The following OGA variants were observed in gnomAD, a reference collection of about 807,000 sequenced individuals.
The protein encoded by OGA is O-GlcNAcase.
A neutral mutation model predicts 102.0 loss-of-function variants in OGA; 21 were observed. The observed-to-expected ratio is 0.21, with a 90% CI of 0.15 to 0.30. The LOEUF is 0.30. Among genes scored for constraint, OGA ranks in the 10% least tolerant of loss-of-function variants. The pLI, the probability that OGA is intolerant of heterozygous loss-of-function variation, is 1.00. For synonymous variants in OGA, 408 were observed against 378.2 expected (o/e 1.08, Z -0.91); for missense variants, 765 against 1,107.8 (o/e 0.69, Z 4.39).
At chr10:101,809,511 T>C (rs1054584643) in intron 4 of OGA, among the ~76,000 whole-genome samples, 1 of 151,520 alleles carries the variant, frequency 6.6e-6, no homozygotes, top group Admixed American at 6.6e-5. Flanking sequence ...AAGTCAGGAG[T>C]TCGAGACCAG....
At position 101,806,908 on chromosome 10, in the gene OGA, T is replaced by A. The variant is rs543041385; in HGVS notation, c.653-765A>T. Among the ~76,000 whole-genome samples the A allele has an allele frequency of 2.6e-5, 4 of 152,238 alleles. No individual in the cohort carries two copies. In the South Asian group the frequency reaches 6.2e-4, roughly 24 times the overall value. On this transcript the variant is annotated intron_variant, in intron 5 of 15. Coordinates refer to ENST00000361464, the MANE Select transcript of OGA (RefSeq NM_012215.5). Reference sequence around the variant, plus strand: ...GGGCAATATGGCGAAACCCCGTCTCTACCAAAAATATAAAAATTAGCCAGT... The same window carrying A: ...GGGCAATATGGCGAAACCCCGTCTCAACCAAAAATATAAAAATTAGCCAGT...
At chr10:101,805,259 G>A (rs1270386843) in intron 6 of OGA, among the ~76,000 whole-genome samples, 1 of 152,024 alleles carries the variant, frequency 6.6e-6, no homozygotes, top group African/African-American at 2.4e-5. Flanking sequence ...TTGAACTCCT[G>A]GGGGCTTCCA....
intron 14 of OGA, 109 bp from the exon 15 acceptor site, chr10:101,787,632 CTA>C: frequency 1.2e-6 from 1 of 868,318 alleles, no homozygotes; most frequent in South Asian, 1.7e-5. Flanking sequence ...CTTCCAGTCA[CTA>C]TGTAAATTAT....
chr10:101,804,488 T>C (rs2065440316), intron 6 of OGA, among the ~76,000 whole-genome samples: 1 of 152,094 alleles, frequency 6.6e-6, no homozygotes, highest in Non-Finnish European at 1.5e-5. Context: ...TTAGCCAGGA[T>C]GGTCTCGATC....
chr10:101,814,838 T>C (rs1422883496), intron 1 of OGA, among the ~76,000 whole-genome samples: 1 of 152,232 alleles, frequency 6.6e-6, no homozygotes, highest in African/African-American at 2.4e-5. Context: ...ACACTAGTTA[T>C]GCACACACTG....
chr10:101,789,554 G>C (rs1253258022), intron 14 of OGA, among the ~76,000 whole-genome samples: 4 of 151,800 alleles, frequency 2.6e-5, no homozygotes. Flanking sequence ...GGTGGAGAGG[G>C]GTAGAGAATT....
In OGA at chr10:101,818,029, G is replaced by GC; in HGVS notation, c.-8dup. 1 of 1,565,584 alleles carries GC rather than the reference G, an allele frequency of 6.4e-7. No individual in the cohort carries two copies. The highest frequency in any genetic ancestry group is 2.3e-5 in the East Asian group (1 of 42,958). ...GACTCTCCTTCTGCACCATCCTCCT[G>GC]CCCCCGGCCGCTGCCACCTCTGCGG... On this transcript the variant is annotated 5_prime_UTR_variant, in exon 1 of 16. Coordinates refer to ENST00000361464, the MANE Select transcript of OGA (RefSeq NM_012215.5).
intron 14 of OGA, among the ~76,000 whole-genome samples, chr10:101,788,991 T>A (rs2065224642): frequency 2.0e-5 from 3 of 152,246 alleles, no homozygotes; most frequent in Admixed American, 2.0e-4. Flanking sequence ...ATTCCTTACA[T>A]GAAAATGTGC....
intron 10 of OGA, among the ~76,000 whole-genome samples, chr10:101,794,514 TA>T (rs1229523939): frequency 6.6e-6 from 1 of 152,084 alleles, no homozygotes; most frequent in African/African-American, 2.4e-5. Context: ...TACAAGAAAT[TA>T]AGTTGACAAA....
Position 101,793,973 on chromosome 10 carries a change from T to C in OGA, c.2010A>G (p.Gln670=), listed in dbSNP as rs768126488. 5.6e-6 allele frequency: 9 copies of C among 1,613,490 alleles called. No homozygotes were observed. The African/African-American group carries it at 9.3e-5, about 17-fold the overall frequency. The change falls in exon 11 of 16, where the codon CAA becomes CAG. Residue 670 remains glutamine (Q), a synonymous_variant. Transcript: ENST00000361464. The part of the protein sequence containing the change: ...WLGCRSHSSA[Q]FLIGDQEPWA... ...AGGGTTCTTGGTCTCCAATTAAGAA[T>C]TGTGCTGAAGAATGACTACGACACC...
chr10:101,791,793 A>G (rs1001197606), intron 12 of OGA, among the ~76,000 whole-genome samples: 3 of 151,076 alleles, frequency 2.0e-5, no homozygotes, highest in African/African-American at 4.9e-5. Context: ...CAGCCTCCCA[A>G]TTCGCTGGGA....
chr10:101,817,694 C>A (rs1287742335), intron 1 of OGA, 130 bp downstream of exon 1: 3 of 1,067,708 alleles, frequency 2.8e-6, no homozygotes, highest in African/African-American at 1.6e-5. Context: ...TCTCCCCTCG[C>A]TTTAGGAGGG....
rs749445390 is a variant in OGA, at chr10:101,791,454, T to C, written c.2176-15A>G. 3.1e-5 allele frequency: 50 copies of C among 1,603,044 alleles called. No homozygotes were observed. The highest frequency in any genetic ancestry group is 8.3e-5 in the Admixed American group (5 of 59,954). On this transcript the variant is annotated splice_polypyrimidine_tract_variant and intron_variant, in intron 12 of 15. Transcript: ENST00000361464. Reference sequence around the variant, plus strand: ...TACACGGATGCCTGAAAATATAATCTAGTTAAGCAACACATCAAGAAAAAT... The same window carrying C: ...TACACGGATGCCTGAAAATATAATCCAGTTAAGCAACACATCAAGAAAAAT...
In OGA at chr10:101,806,070, T is replaced by A; in HGVS notation, c.726A>T (p.Leu242=). The A allele has an allele frequency of 2.5e-6, 4 of 1,610,092 alleles. No individual in the cohort carries two copies. Among genetic ancestry groups the A allele is most frequent in the Non-Finnish European group, 2.6e-6 (3 of 1,176,284 alleles). The change falls in exon 6 of 16, where the codon CTA becomes CTT. Residue 242 remains leucine (L), a synonymous_variant. Transcript: ENST00000361464. The part of the protein sequence containing the change: ...PYLRTVGEKL[L]PGIEVLWTGP... ...CTGTCCAAAGCACTTCAATTCCAGGTAGAAGCTTTTCACCCACAGTCCTTA... is the reference window on the plus strand; with the variant it reads ...CTGTCCAAAGCACTTCAATTCCAGGAAGAAGCTTTTCACCCACAGTCCTTA...
intron 5 of OGA, among the ~76,000 whole-genome samples, chr10:101,807,473 CTT>C (rs1241980813): frequency 6.6e-6 from 1 of 152,126 alleles, no homozygotes; most frequent in Non-Finnish European, 1.5e-5. Flanking sequence ...TACTATCCCT[CTT>C]TTAATATTGA....
At position 101,798,099 on chromosome 10, in the gene OGA, A is replaced by G; in HGVS notation, c.1865T>C (p.Met622Thr). ...AKFEEMCGLV[M>T]GMFTRLSNCA... Reference sequence around the variant, plus strand: ...ATTGGAGAGCCGAGTGAACATTCCCATCACTAGTCCACACATCTCTTCAAA... The same window carrying G: ...ATTGGAGAGCCGAGTGAACATTCCCGTCACTAGTCCACACATCTCTTCAAA... The change falls in exon 10 of 16, where the codon ATG becomes ACG. Residue 622 changes from methionine (M) to threonine (T), a missense_variant. Around this residue, in one of 7 missense-constraint regions of OGA, gnomAD observed 281 missense variants for 345.8 expected, o/e 0.81. Coordinates refer to ENST00000361464, the MANE Select transcript of OGA (RefSeq NM_012215.5). The G allele has an allele frequency of 2.5e-6, 4 of 1,614,142 alleles. No individual in the cohort carries two copies. Among genetic ancestry groups the G allele is most frequent in the Non-Finnish European group, 2.5e-6 (3 of 1,180,006 alleles).
chr10:101,808,622 A>G (rs1046532197), intron 4 of OGA, among the ~76,000 whole-genome samples: 1 of 152,200 alleles, frequency 6.6e-6, no homozygotes, highest in African/African-American at 2.4e-5. Context: ...ACCCATATAA[A>G]TCTTTGCCTA....
chr10:101,816,811 T>C (rs978405474), intron 1 of OGA, among the ~76,000 whole-genome samples: 9 of 151,754 alleles, frequency 5.9e-5, no homozygotes, highest in Admixed American at 2.0e-4. Context: ...ATTTATATGG[T>C]GAAAAAAAAC....
intron 1 of OGA, among the ~76,000 whole-genome samples, chr10:101,814,084 T>G (rs1487813660): frequency 6.7e-6 from 1 of 149,826 alleles, no homozygotes; most frequent in Non-Finnish European, 1.5e-5. Flanking sequence ...TCCCAGCACT[T>G]TGGGAGGCTG....
Sources: allele counts gnomAD v4.1 joint callset (sites outside exome capture counted in the v4.1 genomes callset), GRCh38; gene constraint gnomAD v4.1.1; regional missense constraint gnomAD v4.1.1; transcripts MANE v1.5; gene names NCBI Gene and HGNC (gene_info 2026-07-23, HGNC 2026-07-21).